The following WASHC2A variants were observed in gnomAD, a reference collection of about 807,000 sequenced individuals.
The protein encoded by WASHC2A is WASH complex subunit 2A, also known as WASH complex subunit FAM21A.
A neutral mutation model predicts 140.3 loss-of-function variants in WASHC2A; 82 were observed. The observed-to-expected ratio is 0.58, with a 90% confidence interval of 0.49 to 0.70. The LOEUF (loss-of-function observed/expected upper bound fraction) is 0.70, where lower values mean the gene tolerates loss of function less well. Among genes scored for constraint, WASHC2A ranks in the 30% least tolerant of loss-of-function variants. The pLI is 0.00. For missense variants in WASHC2A, 985 were observed against 1,521.8 expected (o/e 0.65, Z 5.87); for synonymous variants, 340 against 560.8 (o/e 0.61, Z 5.56).
At chr10:50,130,365 C>T (rs1843842887) in intron 29 of WASHC2A, among the ~76,000 whole-genome samples, 1 of 144,122 alleles carries the variant, frequency 6.9e-6, no homozygotes, top group Non-Finnish European at 1.6e-5. Flanking sequence ...CATACAGCTC[C>T]ACTGGTCCAG....
Position 50,129,426 on chromosome 10 carries a change from T to C in WASHC2A, c.3095T>C (p.Val1032Ala). 1 of 1,612,036 alleles carries C rather than the reference T, an allele frequency of 6.2e-7. No individual in the cohort carries two copies. Among genetic ancestry groups the C allele is most frequent in the Non-Finnish European group, 8.5e-7 (1 of 1,179,862 alleles). The part of the protein sequence containing the change: ...DTLHSANKSR[V>A]KMRGKRRPQT... Reference sequence around the variant, plus strand: ...GTTTTTTTGCCATTGCAGAGCCGTGTCAAGATGAGAGGGAAGCGTAGACCG... The same window carrying C: ...GTTTTTTTGCCATTGCAGAGCCGTGCCAAGATGAGAGGGAAGCGTAGACCG... The change falls in exon 29 of 31, where the codon GTC becomes GCC. Residue 1032 changes from valine (V) to alanine (A), a missense_variant. Transcript: ENST00000282633.
At position 50,091,742 on chromosome 10, in the gene WASHC2A, G is replaced by A. The variant is rs1371384209; in HGVS notation, c.931+224G>A. Among the ~76,000 whole-genome samples, 4 of 152,284 alleles carry A rather than the reference G, an allele frequency of 2.6e-5. No homozygotes were observed. The East Asian group carries it at 7.7e-4, about 29-fold the overall frequency. On this transcript the variant is annotated intron_variant, in intron 10 of 30. Transcript: ENST00000282633. ...ACAAGAAAAACGTACATGTACACAT[G>A]TAGATAACCCTTTACATATAATTTC...
chr10:50,103,107 C>T (rs1377642222), intron 17 of WASHC2A, among the ~76,000 whole-genome samples: 1 of 151,020 alleles, frequency 6.6e-6, no homozygotes, highest in African/African-American at 2.4e-5. Flanking sequence ...GCCCCAGCCT[C>T]CCAAAATGCT....
intron 16 of WASHC2A, 55 bp downstream of exon 16, chr10:50,097,857 T>A: frequency 1.2e-6 from 2 of 1,611,376 alleles, no homozygotes; most frequent in Non-Finnish European, 1.7e-6. Flanking sequence ...ATTTTAATAA[T>A]TCATCCTGAA....
intron 30 of WASHC2A, among the ~76,000 whole-genome samples, chr10:50,131,807 T>C (rs1412847867): frequency 6.6e-6 from 1 of 152,238 alleles, no homozygotes; most frequent in Non-Finnish European, 1.5e-5. Flanking sequence ...TCTCCCCTGC[T>C]TCCCGCCACA....
intron 19 of WASHC2A, among the ~76,000 whole-genome samples, chr10:50,106,671 G>A (rs1425532577): frequency 1.4e-5 from 2 of 139,592 alleles, no homozygotes; most frequent in African/African-American, 5.0e-5. Flanking sequence ...TTAGGAATAG[G>A]TATGACTCCC....
intron 14 of WASHC2A, 117 bp from the exon 15 acceptor site, chr10:50,095,482 A>G (rs1840393320): frequency 6.4e-6 from 9 of 1,409,294 alleles, no homozygotes; most frequent in Non-Finnish European, 8.8e-6. Context: ...GGGCCCTGTT[A>G]TGCATTTTGT....
At chr10:50,086,541 C>T (rs1254533123) in intron 7 of WASHC2A, among the ~76,000 whole-genome samples, 1 of 151,700 alleles carries the variant, frequency 6.6e-6, no homozygotes, top group Non-Finnish European at 1.5e-5. Context: ...GTGCGCTGCA[C>T]CCATTAGCTC....
chr10:50,081,778 G>A (rs1475568309), intron 5 of WASHC2A, among the ~76,000 whole-genome samples: 1 of 151,418 alleles, frequency 6.6e-6, no homozygotes, highest in Non-Finnish European at 1.5e-5. Context: ...GATTACAGGC[G>A]CCCACCACCA....
intron 15 of WASHC2A, 27 bp downstream of exon 15, chr10:50,095,805 G>A: frequency 6.3e-7 from 1 of 1,582,066 alleles, no homozygotes; most frequent in Non-Finnish European, 8.6e-7. Flanking sequence ...CCGTTTCTAG[G>A]ACTTCAGCCA....
At chr10:50,109,245 A>G (rs1410933380) in intron 19 of WASHC2A, among the ~76,000 whole-genome samples, 1 of 152,234 alleles carries the variant, frequency 6.6e-6, no homozygotes, top group African/African-American at 2.4e-5. Flanking sequence ...TTTGATTTGA[A>G]GGGGTGTGAG....
At chr10:50,085,231 T>G (rs1554880705) in intron 6 of WASHC2A, among the ~76,000 whole-genome samples, 1 of 107,184 alleles carries the variant, frequency 9.3e-6, no homozygotes, top group African/African-American at 4.1e-5. Context: ...TCTCAGCCTT[T>G]CTTTGCTTTT....
intron 23 of WASHC2A, 81 bp from the exon 24 acceptor site, chr10:50,125,031 TG>T (rs1318333069): frequency 6.7e-7 from 1 of 1,496,090 alleles, no homozygotes; most frequent in Non-Finnish European, 8.9e-7. Context: ...ACATCTTTGT[TG>T]TGTCCATCTT....
At chr10:50,119,816 A>T (rs1415906110) in intron 23 of WASHC2A, 47 bp downstream of exon 23, 34 of 1,603,622 alleles carry the variant, frequency 2.1e-5, no homozygotes, top group Non-Finnish European at 2.9e-5. Context: ...GAGATAAAAG[A>T]CTCTCATCTC....
At chr10:50,092,731 G>A (rs1366470460) in intron 11 of WASHC2A, among the ~76,000 whole-genome samples, 2 of 151,398 alleles carry the variant, frequency 1.3e-5, no homozygotes, top group African/African-American at 2.4e-5. Context: ...AAAAATTCCT[G>A]TAGAGATTTG....
chr10:50,099,823 A>G (rs1238866234), intron 16 of WASHC2A, among the ~76,000 whole-genome samples, 155 bp from the exon 17 acceptor site: 4 of 140,642 alleles, frequency 2.8e-5, no homozygotes, highest in Admixed American at 1.4e-4. Context: ...CTGTTCTCTT[A>G]ACAGCCCCCT....
At chr10:50,100,755 A>G (rs1342147338) in intron 17 of WASHC2A, among the ~76,000 whole-genome samples, 12 of 152,226 alleles carry the variant, frequency 7.9e-5, no homozygotes, top group African/African-American at 2.9e-4. Flanking sequence ...GTTCTGGCAT[A>G]GCCATCTGTC....
At chr10:50,081,649 T>C (rs1248563837) in intron 5 of WASHC2A, among the ~76,000 whole-genome samples, 2 of 150,914 alleles carry the variant, frequency 1.3e-5, no homozygotes, top group Non-Finnish European at 3.0e-5. Context: ...CTTTTTTTTT[T>C]TTGAGACGGA....
Position 50,133,439 on chromosome 10 carries a change from C to G in WASHC2A, c.*494C>G, listed in dbSNP as rs1253571982. 6 of 470,240 alleles carry G rather than the reference C, an allele frequency of 1.3e-5. No homozygotes were observed. Among genetic ancestry groups the G allele is most frequent in the Non-Finnish European group, 2.6e-5 (6 of 227,910 alleles). The allele number at this position is 470,240 out of a possible 1,614,324, so 29.1% of individuals were successfully genotyped here. On this transcript the variant is annotated 3_prime_UTR_variant, in exon 31 of 31. Transcript: ENST00000282633. Reference sequence around the variant, plus strand: ...GGGTGCCTCTGCATGTCCTCCAAGGCAAAGTTTGGCAAACTGTGGCCCCCC... The same window carrying G: ...GGGTGCCTCTGCATGTCCTCCAAGGGAAAGTTTGGCAAACTGTGGCCCCCC...
Sources: gnomAD v4.1 joint callset for allele counts (sites outside exome capture counted in the v4.1 genomes callset) on GRCh38, gnomAD v4.1.1 for gene constraint, MANE v1.5 for transcripts, NCBI Gene and HGNC (gene_info 2026-07-23, HGNC 2026-07-21) for gene names.